Variants in DLG2 observed in about 807,000 individuals in gnomAD.
DLG2 encodes disks large homolog 2.
DLG2 carries 45 observed loss-of-function variants against 132.5 expected under a neutral mutation model. That is an observed-to-expected ratio of 0.34 (90% confidence interval 0.27 to 0.44). The LOEUF is 0.44. Ranked by LOEUF, DLG2 falls within the 20% of genes least tolerant of loss-of-function variation. The probability of loss-of-function intolerance (pLI) is 1.00; values close to 1 mark genes in which losing one functional copy is unlikely to be tolerated. For synonymous variants in DLG2, 424 were observed against 419.6 expected, an observed-to-expected ratio of 1.01 and a Z score of -0.13; for missense variants, 1,045 against 1,196.9, an observed-to-expected ratio of 0.87 and a Z score of 1.87.
At chr11:84,772,736 C>A (rs759969534) in intron 6 of DLG2, among the ~76,000 whole-genome samples, 7 of 152,094 alleles carry the variant, frequency 4.6e-5, no homozygotes, top group Admixed American at 1.3e-4. Flanking sequence ...TAAAAAAATT[C>A]TTTGAAATAA....
chr11:85,219,766 CA>C (rs1410108406), intron 4 of DLG2, among the ~76,000 whole-genome samples: 1 of 149,928 alleles, frequency 6.7e-6, no homozygotes, highest in African/African-American at 2.5e-5. Context: ...ACCTTACTTC[CA>C]AATAAGGTCA....
chr11:83,800,740 T>C lies in DLG2; in HGVS notation c.1723-13948A>G, dbSNP rs574560203. On this transcript the variant is annotated intron_variant, in intron 17 of 27. Coordinates refer to ENST00000376104, the MANE Select transcript of DLG2 (RefSeq NM_001142699.3). ...AGAGGGATGATTATTTTGGAATCTTTAAATGAAAATAATAAAGTATAACTT... is the reference window on the plus strand; with the variant it reads ...AGAGGGATGATTATTTTGGAATCTTCAAATGAAAATAATAAAGTATAACTT... Among the ~76,000 whole-genome samples the C allele has an allele frequency of 4.6e-5, 7 of 152,310 alleles. No individual in the cohort carries two copies. The East Asian group carries it at 1.3e-3, about 29-fold the overall frequency.
intron 3 of DLG2, among the ~76,000 whole-genome samples, chr11:85,501,732 C>T (rs1473871334): frequency 6.6e-6 from 1 of 152,076 alleles, no homozygotes; most frequent in Non-Finnish European, 1.5e-5. Flanking sequence ...CCATCTCACA[C>T]CAGTCAGAAT....
At chr11:83,694,574 A>G (rs1330836817) in intron 18 of DLG2, among the ~76,000 whole-genome samples, 4 of 152,128 alleles carry the variant, frequency 2.6e-5, no homozygotes, top group Admixed American at 2.6e-4. Context: ...AAAGAATCTT[A>G]ATTTCCTTCT....
intron 7 of DLG2, among the ~76,000 whole-genome samples, chr11:84,394,678 G>C (rs537628199): frequency 3.8e-4 from 53 of 138,818 alleles, no homozygotes; most frequent in African/African-American, 1.6e-3. Context: ...ACCCAGGCTG[G>C]AGTGCAATGG....
intron 6 of DLG2, among the ~76,000 whole-genome samples, chr11:84,809,535 T>C (rs941355476): frequency 2.6e-5 from 4 of 151,738 alleles, no homozygotes. Flanking sequence ...CTAATGAACC[T>C]ACAAAGAAAA....
intron 6 of DLG2, among the ~76,000 whole-genome samples, chr11:84,982,340 C>G (rs1011573942): frequency 6.6e-6 from 1 of 152,072 alleles, no homozygotes; most frequent in African/African-American, 2.4e-5. Context: ...TCCTTTCCAC[C>G]CAGAACCTGA....
At chr11:83,494,493 C>G (rs1434950093) in intron 21 of DLG2, among the ~76,000 whole-genome samples, 2 of 151,536 alleles carry the variant, frequency 1.3e-5, no homozygotes, top group African/African-American at 4.8e-5. Context: ...CTCTACGTCC[C>G]ACAAGATGAA....
intron 6 of DLG2, among the ~76,000 whole-genome samples, chr11:84,756,511 A>T (rs957083685): frequency 6.6e-6 from 1 of 152,208 alleles, no homozygotes; most frequent in Non-Finnish European, 1.5e-5. Context: ...ACCACTTTCT[A>T]GGTGTGTTCA....
intron 3 of DLG2, among the ~76,000 whole-genome samples, chr11:85,503,265 T>C (rs1454612731): frequency 2.0e-5 from 3 of 152,136 alleles, no homozygotes; most frequent in African/African-American, 4.8e-5. Flanking sequence ...AAAATACTTT[T>C]CTTGACACTT....
chr11:83,769,642 C>T (rs988342917), intron 18 of DLG2, among the ~76,000 whole-genome samples: 3 of 150,666 alleles, frequency 2.0e-5, no homozygotes, highest in Non-Finnish European at 2.9e-5. Flanking sequence ...CAGCTCACTG[C>T]AACCTTCTCT....
chr11:84,937,150 T>C (rs192973610), intron 6 of DLG2, among the ~76,000 whole-genome samples: 53 of 152,238 alleles, frequency 3.5e-4, no homozygotes, highest in African/African-American at 1.3e-3. Context: ...AAACTCCCTC[T>C]TTAAATAAAA....
chr11:84,043,668 G>A (rs11233884), intron 11 of DLG2, among the ~76,000 whole-genome samples: 96,026 of 151,588 alleles, frequency 0.63, 33,223 homozygotes, highest in Non-Finnish European at 0.78. Flanking sequence ...CTCCTGTTTG[G>A]TATAGCTTTA....
At chr11:83,946,838 C>G (rs1313729599) in intron 14 of DLG2, among the ~76,000 whole-genome samples, 1 of 152,140 alleles carries the variant, frequency 6.6e-6, no homozygotes, top group Admixed American at 6.5e-5. Context: ...TGGGGATAGC[C>G]CTACCTTGCT....
At chr11:83,785,561 T>G (rs931498441) in intron 18 of DLG2, among the ~76,000 whole-genome samples, 3 of 152,252 alleles carry the variant, frequency 2.0e-5, no homozygotes, top group Non-Finnish European at 4.4e-5. Flanking sequence ...TTATTAAAAA[T>G]TTTGAATAAA....
At chr11:85,287,263 C>T (rs1411950616) in intron 3 of DLG2, among the ~76,000 whole-genome samples, 1 of 151,818 alleles carries the variant, frequency 6.6e-6, no homozygotes, top group Non-Finnish European at 1.5e-5. Context: ...AAGATAATTT[C>T]ACAGCACACA....
intron 3 of DLG2, among the ~76,000 whole-genome samples, chr11:85,294,148 T>G (rs1468136905): frequency 6.6e-6 from 1 of 152,114 alleles, no homozygotes; most frequent in Non-Finnish European, 1.5e-5. Context: ...GATACAGAGA[T>G]ATATAGAGAC....
chr11:85,027,294 T>C (rs1382642969), intron 6 of DLG2, among the ~76,000 whole-genome samples: 1 of 149,464 alleles, frequency 6.7e-6, no homozygotes, highest in Admixed American at 6.8e-5. Context: ...GGCAATAAGT[T>C]AACACCAGCA....
intron 7 of DLG2, among the ~76,000 whole-genome samples, chr11:84,414,266 T>C (rs578067077): frequency 6.6e-6 from 1 of 152,340 alleles, no homozygotes; most frequent in Non-Finnish European, 1.5e-5. Flanking sequence ...ATCATTTTAT[T>C]ATAATCATTA....
Sources: allele counts gnomAD v4.1 joint callset (sites outside exome capture counted in the v4.1 genomes callset), GRCh38; gene constraint gnomAD v4.1.1; transcripts MANE v1.5; gene names NCBI Gene and HGNC (gene_info 2026-07-23, HGNC 2026-07-21).